Variants in PDE4D observed in about 807,000 individuals in gnomAD.
The protein encoded by PDE4D is phosphodiesterase 4D, also known as 3',5'-cyclic-AMP phosphodiesterase 4D.
In PDE4D, 24 loss-of-function variants were observed where a neutral mutation model predicts 87.4. The ratio of observed to expected loss-of-function variants is 0.27; its 90% CI spans 0.20 to 0.39. The LOEUF is 0.39. PDE4D is among the 10% of genes least tolerant of loss of function. The pLI is 1.00. For synonymous variants in PDE4D, 384 were observed against 383.2 expected (o/e 1.00, Z -0.02); for missense variants, 714 against 1,041.0 (o/e 0.69, Z 4.32).
At chr5:59,784,372 T>C (rs1459235372) in intron 1 of PDE4D, among the ~76,000 whole-genome samples, 2 of 151,938 alleles carry the variant, frequency 1.3e-5, no homozygotes, top group Non-Finnish European at 2.9e-5. Flanking sequence ...ATAGGCAGAA[T>C]GGGTTCAAAT....
intron 3 of PDE4D, among the ~76,000 whole-genome samples, chr5:59,189,292 C>G (rs1473319454): frequency 1.5e-5 from 2 of 132,738 alleles, no homozygotes; most frequent in Non-Finnish European, 3.1e-5. Flanking sequence ...TCTTGTTGCC[C>G]AGGATGGAGT....
At chr5:59,742,064 G>C (rs1237014128) in intron 1 of PDE4D, among the ~76,000 whole-genome samples, 1 of 151,870 alleles carries the variant, frequency 6.6e-6, no homozygotes, top group Non-Finnish European at 1.5e-5. Context: ...ATCTTCTTTT[G>C]GGGGGAGGGT....
intron 1 of PDE4D, among the ~76,000 whole-genome samples, chr5:59,485,279 T>C (rs113372872): frequency 3.9e-5 from 6 of 152,314 alleles, no homozygotes; most frequent in African/African-American, 1.4e-4. Flanking sequence ...GTGCATCCAG[T>C]GATTTGTGCA....
intron 2 of PDE4D, among the ~76,000 whole-genome samples, chr5:60,024,838 A>T (rs1766454676): frequency 6.6e-6 from 1 of 152,166 alleles, no homozygotes; most frequent in African/African-American, 2.4e-5. Context: ...GTTTGAAGTT[A>T]AAAGGCAAGA....
At chr5:59,325,937 A>G (rs1050002991) in intron 1 of PDE4D, among the ~76,000 whole-genome samples, 1 of 152,192 alleles carries the variant, frequency 6.6e-6, no homozygotes, top group Non-Finnish European at 1.5e-5. Flanking sequence ...CTATGCAGCC[A>G]TAAAAAATGA....
chr5:59,530,193 T>C (rs1309807087), intron 1 of PDE4D, among the ~76,000 whole-genome samples: 1 of 152,244 alleles, frequency 6.6e-6, no homozygotes, highest in Admixed American at 6.5e-5. Context: ...CTTTGCTTTA[T>C]ATATTAACAC....
At chr5:60,432,059 G>A (rs1001246281) in intron 1 of PDE4D, among the ~76,000 whole-genome samples, 30 of 151,930 alleles carry the variant, frequency 2.0e-4, no homozygotes, top group African/African-American at 3.4e-4. Context: ...GAGGGAGACC[G>A]TGGAAAGAGA....
chr5:60,116,231 G>A (rs886352592), intron 2 of PDE4D, among the ~76,000 whole-genome samples: 1 of 152,064 alleles, frequency 6.6e-6, no homozygotes, highest in African/African-American at 2.4e-5. Flanking sequence ...TACATCTTCA[G>A]CAGCCATGTG....
At chr5:59,426,151 C>G (rs1795174957) in intron 1 of PDE4D, among the ~76,000 whole-genome samples, 1 of 152,134 alleles carries the variant, frequency 6.6e-6, no homozygotes, top group Admixed American at 6.5e-5. Context: ...CAACCAGAGT[C>G]CTAAGGAGAA....
chr5:58,986,095 A>G (rs1419258871), intron 11 of PDE4D, among the ~76,000 whole-genome samples: 3 of 152,198 alleles, frequency 2.0e-5, no homozygotes, highest in Admixed American at 1.3e-4. Flanking sequence ...GAACTTCCCT[A>G]TGTCGCTGTG....
chr5:60,304,038 A>G (rs1244985775), intron 1 of PDE4D: 1 of 152,124 alleles, frequency 6.6e-6, no homozygotes, highest in Non-Finnish European at 1.5e-5. Flanking sequence ...ACCCTTTACT[A>G]TTACGTAAGA....
At chr5:60,511,517 T>TTAATAATAC (rs1750571090) in intron 1 of PDE4D, among the ~76,000 whole-genome samples, 1 of 147,744 alleles carries the variant, frequency 6.8e-6, no homozygotes, top group African/African-American at 2.5e-5. Flanking sequence ...CTATAGAAAT[T>TTAATAATAC]TAATAATAAT....
At chr5:58,986,499 C>T (rs888584486) in intron 11 of PDE4D, among the ~76,000 whole-genome samples, 5 of 152,134 alleles carry the variant, frequency 3.3e-5, no homozygotes, top group Non-Finnish European at 7.4e-5. Flanking sequence ...CAGGCAAGCC[C>T]GCATCAGTAC....
chr5:59,821,188 G>A (rs369475508), intron 1 of PDE4D, among the ~76,000 whole-genome samples: 14 of 152,090 alleles, frequency 9.2e-5, no homozygotes, highest in South Asian at 6.2e-4. Flanking sequence ...AGCATTGATC[G>A]TGCCACTGCA....
chr5:59,053,086 T>C (rs190492510), intron 5 of PDE4D, among the ~76,000 whole-genome samples: 27 of 152,222 alleles, frequency 1.8e-4, no homozygotes, highest in African/African-American at 6.5e-4. Flanking sequence ...ACAGTATTGA[T>C]GGTATCTGCT....
chr5:59,585,076 C>G, intron 1 of PDE4D, among the ~76,000 whole-genome samples: 1 of 152,060 alleles, frequency 6.6e-6, no homozygotes, highest in East Asian at 1.9e-4. Flanking sequence ...AGTGGGCCAC[C>G]GAGGTTTGCA....
chr5:59,131,508 C>A (rs1776255712), intron 5 of PDE4D, among the ~76,000 whole-genome samples: 1 of 151,976 alleles, frequency 6.6e-6, no homozygotes, highest in Non-Finnish European at 1.5e-5. Flanking sequence ...TTATCATAAT[C>A]ATTCCTGAAC....
intron 1 of PDE4D, among the ~76,000 whole-genome samples, chr5:60,470,635 A>G (rs775322709): frequency 1.2e-4 from 19 of 152,178 alleles, no homozygotes; most frequent in Admixed American, 3.3e-4. Context: ...CTCATTTACA[A>G]TTCCAAAAAT....
intron 1 of PDE4D, among the ~76,000 whole-genome samples, chr5:59,250,493 GAAAA>G (rs560305696): frequency 8.4e-6 from 1 of 119,686 alleles, no homozygotes; most frequent in African/African-American, 3.2e-5. Context: ...ATCCTGCCTC[GAAAA>G]AAAAAAAAAG....
Sources: gnomAD v4.1 joint callset for allele counts (sites outside exome capture counted in the v4.1 genomes callset) on GRCh38, gnomAD v4.1.1 for gene constraint, MANE v1.5 for transcripts, NCBI Gene and HGNC (gene_info 2026-07-23, HGNC 2026-07-21) for gene names.